Variants in PALS2 observed in about 807,000 individuals in gnomAD.
PALS2 encodes protein associated with LIN7 2, MAGUK p55 family member.
In PALS2, 27 loss-of-function variants were observed where a neutral mutation model predicts 61.6. The observed-to-expected ratio is 0.44, with a 90% CI of 0.32 to 0.60. The LOEUF is 0.60. Among genes scored for constraint, PALS2 ranks in the 20% least tolerant of loss-of-function variants. The pLI is 0.05. For synonymous variants in PALS2, 236 were observed against 218.6 expected, an observed-to-expected ratio of 1.08 and a Z score of -0.70; for missense variants, 554 against 639.4, an observed-to-expected ratio of 0.87 and a Z score of 1.44.
At chr7:24,635,982 C>T (rs914160051) in intron 2 of PALS2, among the ~76,000 whole-genome samples, 20 of 152,032 alleles carry the variant, frequency 1.3e-4, no homozygotes, top group African/African-American at 4.6e-4. Flanking sequence ...GAGGCTGAGG[C>T]GGGCGGATCA....
chr7:24,654,411 T>G (rs1786311938), intron 5 of PALS2, among the ~76,000 whole-genome samples: 1 of 152,166 alleles, frequency 6.6e-6, no homozygotes, highest in Non-Finnish European at 1.5e-5. Context: ...TTAGAAATAA[T>G]AGAGTTTACC....
chr7:24,641,033 ATTAC>A (rs1353947950), intron 2 of PALS2, among the ~76,000 whole-genome samples: 1 of 148,540 alleles, frequency 6.7e-6, no homozygotes, highest in South Asian at 2.2e-4. Flanking sequence ...AAAAAAAAGA[ATTAC>A]TTACTTTCTG....
intron 9 of PALS2, 55 bp from the exon 10 acceptor site, chr7:24,679,076 A>G (rs1399355242): frequency 1.3e-6 from 2 of 1,540,800 alleles, no homozygotes; most frequent in African/African-American, 1.4e-5. Flanking sequence ...ATTTTAGTCT[A>G]TTTTTTATGC....
At chr7:24,582,349 A>T (rs1782877517) in intron 1 of PALS2, among the ~76,000 whole-genome samples, 1 of 152,226 alleles carries the variant, frequency 6.6e-6, no homozygotes, top group Non-Finnish European at 1.5e-5. Context: ...GTCGCAGCTC[A>T]TTTGAACAGC....
chr7:24,631,662 T>TGTGGCAAACG (rs1438790980), intron 2 of PALS2, among the ~76,000 whole-genome samples: 2 of 152,186 alleles, frequency 1.3e-5, no homozygotes, highest in African/African-American at 4.8e-5. Context: ...AGTCCATCAA[T>TGTGGCAAACG]GTGGCAAACC....
In PALS2 at chr7:24,639,677, T is replaced by C. The variant is rs73079906; in HGVS notation, c.118-2039T>C. Among the ~76,000 whole-genome samples, 1,473 of 152,038 alleles carry C rather than the reference T, an allele frequency of 9.7e-3. 10 individuals are homozygous for C. Among genetic ancestry groups the C allele is most frequent in the Non-Finnish European group, 0.016 (1,111 of 67,944 alleles). ...ACTAATTCTGTAGATTATTTTCTTT[T>C]TTTTTTTTCCAATGGTGATAGTCTT... is the stretch of plus-strand genomic sequence containing the variant. On this transcript the variant is annotated intron_variant, in intron 2 of 11. Transcript: ENST00000222644.
chr7:24,609,112 C>G (rs907323417), intron 1 of PALS2, among the ~76,000 whole-genome samples: 5 of 152,130 alleles, frequency 3.3e-5, no homozygotes, highest in African/African-American at 1.2e-4. Context: ...GTTTAGTTTG[C>G]TTAGTTTACC....
chr7:24,654,911 T>C (rs1786337971), intron 5 of PALS2, among the ~76,000 whole-genome samples: 1 of 152,152 alleles, frequency 6.6e-6, no homozygotes, highest in Non-Finnish European at 1.5e-5. Context: ...AGAGATAATG[T>C]TTTTCAATGT....
At chr7:24,686,720 C>T (rs1482160041) in intron 11 of PALS2, among the ~76,000 whole-genome samples, 1 of 152,142 alleles carries the variant, frequency 6.6e-6, no homozygotes, top group African/African-American at 2.4e-5. Flanking sequence ...GATTCTGAAA[C>T]ATAGTAGACA....
chr7:24,594,060 T>G (rs1421956702), intron 1 of PALS2, among the ~76,000 whole-genome samples: 3 of 152,140 alleles, frequency 2.0e-5, no homozygotes, highest in Non-Finnish European at 4.4e-5. Flanking sequence ...CTTAGCTAGA[T>G]CTTTTGGGTA....
chr7:24,677,784 A>G (rs1202281641), intron 9 of PALS2, among the ~76,000 whole-genome samples: 1 of 152,192 alleles, frequency 6.6e-6, no homozygotes, highest in Non-Finnish European at 1.5e-5. Flanking sequence ...ATTCTCAAAG[A>G]TACTTTATAA....
At chr7:24,632,760 A>G (rs1785053356) in intron 2 of PALS2, among the ~76,000 whole-genome samples, 1 of 152,022 alleles carries the variant, frequency 6.6e-6, no homozygotes, top group African/African-American at 2.4e-5. Context: ...CGTCTTTCAT[A>G]CTGTTACTGT....
At chr7:24,661,751 T>TA (rs1165254034) in intron 5 of PALS2, among the ~76,000 whole-genome samples, 1 of 152,206 alleles carries the variant, frequency 6.6e-6, no homozygotes, top group Non-Finnish European at 1.5e-5. Context: ...AGTGAAGTAA[T>TA]AAAATGGTCT....
chr7:24,665,763 A>C, intron 7 of PALS2, 76 bp downstream of exon 7: 1 of 1,294,774 alleles, frequency 7.7e-7, no homozygotes, highest in Non-Finnish European at 1.1e-6. Flanking sequence ...CTAAATAAGC[A>C]AATGCATTTA....
chr7:24,607,572 T>C (rs1267539082), intron 1 of PALS2, among the ~76,000 whole-genome samples: 1 of 138,720 alleles, frequency 7.2e-6, no homozygotes, highest in Admixed American at 7.0e-5. Flanking sequence ...TATATACATA[T>C]ATGTGTGTAT....
intron 1 of PALS2, among the ~76,000 whole-genome samples, chr7:24,608,484 G>C (rs1428608299): frequency 1.3e-5 from 2 of 152,020 alleles, no homozygotes; most frequent in African/African-American, 4.8e-5. Context: ...ATTTGCTTCT[G>C]GGTTCTAACT....
In PALS2 at chr7:24,688,259, G is replaced by A. The variant is rs1316524790; in HGVS notation, c.*645G>A. 6.6e-6 allele frequency: 1 copy of A among 152,022 alleles called. No homozygotes were observed. Among genetic ancestry groups the A allele is most frequent in the Non-Finnish European group, 1.5e-5 (1 of 67,998 alleles). 9.4% of individuals were successfully genotyped at this position (152,022 alleles called of 1,614,324 possible). A position where few individuals can be genotyped will look rare whatever the true frequency, so the allele number is the denominator to read the frequency against. On this transcript the variant is annotated 3_prime_UTR_variant, in exon 12 of 12. Transcript: ENST00000222644. ...TTGTCTCTTCATTTCTATCTTTACT[G>A]AAAAATTGAAGAGCAATACCTTGCA...
chr7:24,646,652 T>C lies in PALS2; in HGVS notation c.271-2960T>C, dbSNP rs371487520. Among the ~76,000 whole-genome samples, 41 of 152,326 alleles carry C rather than the reference T, an allele frequency of 2.7e-4. No individual in the cohort carries two copies. In the East Asian group the frequency reaches 3.1e-3, roughly 11 times the overall value. ...TTTCTGCCAGGTTTTGATATAAAGA[T>C]GAGGCTGCCCTCATAGAATTAGTTG... On this transcript the variant is annotated intron_variant, in intron 3 of 11. Transcript: ENST00000222644.
chr7:24,614,481 C>A (rs764318328), intron 1 of PALS2, among the ~76,000 whole-genome samples: 1 of 151,580 alleles, frequency 6.6e-6, no homozygotes, highest in Non-Finnish European at 1.5e-5. Flanking sequence ...AATTTGGATG[C>A]CCTTTATTTC....
Sources: gnomAD v4.1 joint callset for allele counts (sites outside exome capture counted in the v4.1 genomes callset) on GRCh38, gnomAD v4.1.1 for gene constraint, MANE v1.5 for transcripts, NCBI Gene and HGNC (gene_info 2026-07-23, HGNC 2026-07-21) for gene names.